LAMA1: variants seen among roughly 807,000 people sequenced by gnomAD.
LAMA1 encodes laminin subunit alpha 1, also known as laminin subunit alpha-1.
Under a neutral mutation model 348.7 loss-of-function variants are expected in LAMA1, and 219 were observed. The ratio of observed to expected loss-of-function variants is 0.63; its 90% CI spans 0.56 to 0.70. LAMA1 has a LOEUF of 0.70. LAMA1 is among the 30% of genes least tolerant of loss of function. The pLI, the probability that LAMA1 is intolerant of heterozygous loss-of-function variation, is 0.00. For missense variants in LAMA1, 3,744 were observed against 3,888.0 expected (o/e 0.96, Z 0.99); for synonymous variants, 1,487 against 1,491.0 (o/e 1.00, Z 0.06).
At chr18:7,038,762 C>T (rs1285545584) in intron 11 of LAMA1, 48 bp downstream of exon 11, 1 of 1,610,058 alleles carries the variant, frequency 6.2e-7, no homozygotes, top group Non-Finnish European at 8.5e-7. Context: ...CAAGCTTGTG[C>T]AATACGACCT....
intron 36 of LAMA1, 122 bp downstream of exon 36, chr18:6,992,439 C>T (rs1421180696): frequency 1.8e-6 from 2 of 1,116,432 alleles, no homozygotes; most frequent in African/African-American, 3.1e-5. Context: ...CCCTTCTCCT[C>T]TCTTAGGATA....
intron 1 of LAMA1, among the ~76,000 whole-genome samples, chr18:7,107,965 G>A (rs534753784): frequency 6.6e-6 from 1 of 151,438 alleles, no homozygotes; most frequent in African/African-American, 2.4e-5. Context: ...AGTGAGCCAA[G>A]ATCGCGCCAC....
intron 1 of LAMA1, among the ~76,000 whole-genome samples, chr18:7,084,394 TAGAACG>T (rs1406137940): frequency 2.6e-5 from 4 of 152,126 alleles, no homozygotes; most frequent in African/African-American, 9.7e-5. Context: ...AAATCAAGGG[TAGAACG>T]AGGACTGTAG....
intron 3 of LAMA1, among the ~76,000 whole-genome samples, chr18:7,074,432 C>G (rs1435514642): frequency 6.6e-6 from 1 of 152,106 alleles, no homozygotes; most frequent in African/African-American, 2.4e-5. Context: ...ATAAATTTTC[C>G]TGTAATTCGT....
At chr18:6,950,062 AT>A (rs2143973361) in intron 58 of LAMA1, among the ~76,000 whole-genome samples, 1 of 152,290 alleles carries the variant, frequency 6.6e-6, no homozygotes, top group East Asian at 1.9e-4. Context: ...GGCATTTGAG[AT>A]ATTTTTCAGA....
At position 7,035,998 on chromosome 18, in the gene LAMA1, C is replaced by T. The variant is rs528185369; in HGVS notation, c.1828G>A (p.Val610Ile). The T allele has an allele frequency of 4.1e-5, 66 of 1,613,218 alleles. No homozygotes were observed. Among genetic ancestry groups the T allele is most frequent in the South Asian group, 3.2e-4 (29 of 91,078 alleles). The change falls in exon 13 of 63, where the codon GTC becomes ATC. Residue 610 changes from valine (V) to isoleucine (I), a missense_variant. Around this residue, in one of 3 missense-constraint regions of LAMA1, gnomAD observed 1,529 missense variants for 1,689.4 expected, o/e 0.91. Coordinates refer to ENST00000389658, the MANE Select transcript of LAMA1 (RefSeq NM_005559.4). ...GCAAAAACAATCACCTTAATGATGA[C>T]GTCAGCATGCGACATGAGGTTACTG... ...VDSNLMSHAD[V>I]IIKGNGLTLS...
At position 6,978,202 on chromosome 18, in the gene LAMA1, T is replaced by C; in HGVS notation, c.6184A>G (p.Met2062Val). 6.2e-7 allele frequency: 1 copy of C among 1,614,196 alleles called. No individual in the cohort carries two copies. Among genetic ancestry groups the C allele is most frequent in the Non-Finnish European group, 8.5e-7 (1 of 1,180,028 alleles). Residue 2062 changes from methionine to valine, a missense_variant, in exon 43 of 63, where the codon ATG becomes GTG. Physicochemically the swap from Met to Val is conservative, Grantham distance 21 (BLOSUM62 1). This residue lies in a region of LAMA1 where 1,983 missense variants were observed against 1,934.3 expected (regional missense o/e 1.03). Coordinates refer to ENST00000389658, the MANE Select transcript of LAMA1 (RefSeq NM_005559.4). ...AGGAAGGGCGCTGACATACTGGCCA[T>C]GGTGGAGTCCTGCAGAAGCTGGTGT... Reference protein sequence around the residue: ...ETHQLLQDSTMATLLAGRKVK... With the variant: ...ETHQLLQDSTVATLLAGRKVK...
At chr18:6,991,177 C>CTT (rs1433332155) in intron 36 of LAMA1, among the ~76,000 whole-genome samples, 6 of 152,116 alleles carry the variant, frequency 3.9e-5, no homozygotes, top group African/African-American at 4.8e-5. Context: ...CTCCATCCAA[C>CTT]TGTAAGCACC....
chr18:7,055,698 G>A (rs77131253), intron 3 of LAMA1, among the ~76,000 whole-genome samples: 2 of 152,048 alleles, frequency 1.3e-5, no homozygotes, highest in Non-Finnish European at 2.9e-5. Flanking sequence ...TTCAGTCTGC[G>A]AGTGATTTCA....
intron 36 of LAMA1, 129 bp downstream of exon 36, chr18:6,992,432 T>C: frequency 1.3e-5 from 13 of 1,034,818 alleles, no homozygotes; most frequent in Non-Finnish European, 2.0e-5. Context: ...ACAGGGCCCC[T>C]TCTCCTCTCT....
At chr18:6,965,951 T>TAC (rs1216875153) in intron 49 of LAMA1, 196 bp downstream of exon 49, 1 of 626,358 alleles carries the variant, frequency 1.6e-6, no homozygotes, top group African/African-American at 1.8e-5. Flanking sequence ...CTAAAGGTTC[T>TAC]ACAATGATAA....
intron 15 of LAMA1, 45 bp from the exon 16 acceptor site, chr18:7,032,221 C>A (rs753969016): frequency 2.3e-6 from 3 of 1,294,920 alleles, no homozygotes; most frequent in African/African-American, 1.4e-5. Context: ...ACGTTACAAA[C>A]AGAAACTGCT....
chr18:7,044,811 GTA>G lies in LAMA1; in HGVS notation c.885_886del (p.Thr296LeufsTer6), dbSNP rs766513802. 1 of 1,614,102 alleles carries G rather than the reference GTA, an allele frequency of 6.2e-7. No individual in the cohort carries two copies. Among genetic ancestry groups the G allele is most frequent in the Non-Finnish European group, 8.5e-7 (1 of 1,179,988 alleles). On this transcript the variant is annotated frameshift_variant, in exon 7 of 63. Transcript: ENST00000389658. LOFTEE classifies it high-confidence loss of function. ...GCACCTGTTACAGCTCTCCCCGCAA[GTA>G]TTATGCTCACATTGACACTGCAGTT...
Position 7,054,520 on chromosome 18 carries a change from G to A in LAMA1, c.346-3584C>T, listed in dbSNP as rs187956404. Among the ~76,000 whole-genome samples the A allele has an allele frequency of 1.4e-3, 216 of 152,298 alleles. 1 individual carries two copies. The highest frequency in any genetic ancestry group is 5.0e-3 in the African/African-American group (207 of 41,566). ...TCCAGGTGAACTGCTACTGACTGCA[G>A]ACTTCCTCTAACCTGGATGGATATG... On this transcript the variant is annotated intron_variant, in intron 3 of 62. Transcript: ENST00000389658.
intron 34 of LAMA1, 104 bp downstream of exon 34, chr18:6,995,253 G>A: frequency 1.2e-6 from 1 of 804,010 alleles, no homozygotes; most frequent in Non-Finnish European, 2.2e-6. Flanking sequence ...GGAAGAGGCT[G>A]GCATGATCTA....
At chr18:7,025,673 C>T (rs1369313782) in intron 17 of LAMA1, among the ~76,000 whole-genome samples, 1 of 152,222 alleles carries the variant, frequency 6.6e-6, no homozygotes, top group East Asian at 1.9e-4. Flanking sequence ...TATCCCTCCA[C>T]CTCCTAGCCC....
intron 7 of LAMA1, among the ~76,000 whole-genome samples, chr18:7,043,736 C>T (rs192928578): frequency 7.8e-4 from 118 of 152,110 alleles, no homozygotes; most frequent in Non-Finnish European, 1.2e-3. Context: ...TCAAAATAAC[C>T]GCCGATAGGT....
At chr18:6,963,341 A>C (rs545922631) in intron 51 of LAMA1, among the ~76,000 whole-genome samples, 2 of 152,324 alleles carry the variant, frequency 1.3e-5, no homozygotes, top group South Asian at 4.1e-4. Context: ...ATGACAGGGC[A>C]TGAATCTGGG....
chr18:6,962,649 A>G (rs1390523359), intron 51 of LAMA1, among the ~76,000 whole-genome samples: 1 of 152,222 alleles, frequency 6.6e-6, no homozygotes, highest in Non-Finnish European at 1.5e-5. Context: ...TAAGAAAGAC[A>G]GTGCACAGTG....
Sources: allele counts gnomAD v4.1 joint callset (sites outside exome capture counted in the v4.1 genomes callset), GRCh38; gene constraint gnomAD v4.1.1; regional missense constraint gnomAD v4.1.1; transcripts MANE v1.5; gene names NCBI Gene and HGNC (gene_info 2026-07-23, HGNC 2026-07-21).